Variants in CCDC141 observed in about 807,000 individuals in gnomAD.
CCDC141 encodes the protein coiled-coil domain-containing protein 141.
Under a neutral mutation model 181.0 loss-of-function variants are expected in CCDC141, and 168 were observed. The observed-to-expected ratio is 0.93, with a 90% CI of 0.82 to 1.05. The LOEUF (loss-of-function observed/expected upper bound fraction) is 1.05, where lower values mean the gene tolerates loss of function less well. Ranked by LOEUF, CCDC141 falls within the 50% of genes least tolerant of loss-of-function variation. The pLI is 0.00. For missense variants in CCDC141, 1,902 were observed against 1,788.5 expected, an observed-to-expected ratio of 1.06 and a Z score of -1.14; for synonymous variants, 666 against 642.3, an observed-to-expected ratio of 1.04 and a Z score of -0.56.
intron 12 of CCDC141, chr2:178,876,190 TTCCAAATGAATTCAGGC>T (rs1686349461): frequency 6.6e-6 from 1 of 152,124 alleles, no homozygotes; most frequent in East Asian, 1.9e-4. Context: ...AACCTAACTC[TTCCAAATGAATTCAGGC>T]TCCAGACTGA....
rs1056614740 is a variant in CCDC141, at chr2:179,015,927, A to G, written c.225+31357T>C. Among the ~76,000 whole-genome samples, 15 of 138,330 alleles carry G rather than the reference A, an allele frequency of 1.1e-4. 1 individual carries two copies. In the South Asian group the frequency reaches 3.4e-3, roughly 31 times the overall value. The allele number at this position is 138,330 out of a possible 152,430, so 90.7% of individuals were successfully genotyped here. On this transcript the variant is annotated intron_variant, in intron 2 of 23. Coordinates refer to ENST00000443758, the MANE Select transcript of CCDC141 (RefSeq NM_173648.4). ...ATCATATATATCTCATATATATCATATAATTTCATATATATCATATATATC... is the reference window on the plus strand; with the variant it reads ...ATCATATATATCTCATATATATCATGTAATTTCATATATATCATATATATC...
intron 2 of CCDC141, among the ~76,000 whole-genome samples, chr2:179,042,016 A>G (rs972478224): frequency 2.0e-5 from 3 of 152,192 alleles, no homozygotes; most frequent in African/African-American, 7.2e-5. Context: ...AGAAAATTTA[A>G]AAAGATATTC....
At chr2:178,870,655 C>A (rs572971541) in intron 14 of CCDC141, among the ~76,000 whole-genome samples, 156 of 152,214 alleles carry the variant, frequency 1.0e-3, no homozygotes, top group African/African-American at 3.6e-3. Flanking sequence ...CGGTTTTTGT[C>A]TTAAAGGAAC....
At chr2:178,960,909 A>G (rs1395054038) in intron 5 of CCDC141, among the ~76,000 whole-genome samples, 1 of 152,242 alleles carries the variant, frequency 6.6e-6, no homozygotes, top group Non-Finnish European at 1.5e-5. Context: ...TGCAATTAAC[A>G]TTTCAAAATG....
At chr2:178,998,401 A>G (rs1168699904) in intron 2 of CCDC141, among the ~76,000 whole-genome samples, 1 of 152,198 alleles carries the variant, frequency 6.6e-6, no homozygotes, top group East Asian at 1.9e-4. Context: ...TCTCTTAAGT[A>G]TAATAGTACA....
chr2:178,824,059 A>AAAACACACAC, the CCDC141 span, among the ~76,000 whole-genome samples: 1 of 96,692 alleles, frequency 1.0e-5, no homozygotes, highest in African/African-American at 3.6e-5. Flanking sequence ...CATACAGAGA[A>AAAACACACAC]AAACACACAC....
intron 1 of CCDC141, among the ~76,000 whole-genome samples, chr2:179,048,931 A>T (rs1673935817): frequency 6.6e-6 from 1 of 152,252 alleles, no homozygotes; most frequent in Non-Finnish European, 1.5e-5. Flanking sequence ...ATGCTCTAAC[A>T]AAAGGCCAGA....
intron 5 of CCDC141, among the ~76,000 whole-genome samples, chr2:178,953,298 G>A (rs1450050176): frequency 7.2e-5 from 11 of 152,132 alleles, no homozygotes; most frequent in African/African-American, 2.7e-4. Context: ...TTAGCCGGGT[G>A]TGGTGGCAGG....
chr2:178,904,151 C>G (rs1470605808), intron 8 of CCDC141, among the ~76,000 whole-genome samples: 2 of 152,066 alleles, frequency 1.3e-5, no homozygotes, highest in Non-Finnish European at 2.9e-5. Context: ...TAGTGGACAC[C>G]CCTATTACCT....
chr2:178,858,093 ATTACT>A (rs537823131), intron 17 of CCDC141, among the ~76,000 whole-genome samples: 35 of 152,306 alleles, frequency 2.3e-4, no homozygotes, highest in African/African-American at 6.7e-4. Context: ...GTTGTTGAAC[ATTACT>A]TTAAGTTACA....
intron 2 of CCDC141, among the ~76,000 whole-genome samples, chr2:179,040,605 G>A (rs563621041): frequency 1.1e-3 from 168 of 152,188 alleles, no homozygotes; most frequent in Non-Finnish European, 1.9e-3. Flanking sequence ...TCATCATTCA[G>A]CTCCCCCTTA....
At chr2:178,892,371 C>T (rs1376031643) in intron 8 of CCDC141, among the ~76,000 whole-genome samples, 1 of 152,110 alleles carries the variant, frequency 6.6e-6, no homozygotes, top group Non-Finnish European at 1.5e-5. Context: ...ATCTTGGTTA[C>T]TCTAGCCAGT....
intron 7 of CCDC141, among the ~76,000 whole-genome samples, chr2:178,911,082 C>G (rs1251212562): frequency 6.6e-6 from 1 of 152,128 alleles, no homozygotes; most frequent in East Asian, 1.9e-4. Context: ...TTAAGATGAT[C>G]TTGGGAATAT....
chr2:178,932,109 GA>G (rs1308860626), intron 6 of CCDC141, among the ~76,000 whole-genome samples: 2 of 152,164 alleles, frequency 1.3e-5, no homozygotes, highest in Non-Finnish European at 2.9e-5. Flanking sequence ...AATAAGCCAT[GA>G]TTGTGCCACT....
At chr2:178,881,074 AAGAGAGGGCAC>A (rs1686582387) in intron 11 of CCDC141, among the ~76,000 whole-genome samples, 1 of 152,208 alleles carries the variant, frequency 6.6e-6, no homozygotes, top group African/African-American at 2.4e-5. Flanking sequence ...CAATGTGCAA[AAGAGAGGGCAC>A]AGGCAAGAAT....
chr2:179,049,799 A>G (rs1340842340), intron 1 of CCDC141, 41 bp downstream of exon 1: 1 of 1,549,194 alleles, frequency 6.5e-7, no homozygotes, highest in Non-Finnish European at 8.7e-7. Context: ...ACACAGCTAG[A>G]AGCCCACAGC....
At chr2:178,923,109 CTTTTTTTTT>C (rs1364126682) in intron 6 of CCDC141, among the ~76,000 whole-genome samples, 1 of 125,228 alleles carries the variant, frequency 8.0e-6, no homozygotes, top group African/African-American at 3.1e-5. Flanking sequence ...TTTTTTTTTT[CTTTTTTTTT>C]TTTTGAGACG....
intron 13 of CCDC141, 39 bp from the exon 14 acceptor site, chr2:178,871,591 T>C: frequency 6.2e-7 from 1 of 1,602,738 alleles, no homozygotes; most frequent in Non-Finnish European, 8.5e-7. Context: ...GCATTTTCTT[T>C]GACATCTCCA....
chr2:178,985,625 T>A (rs1197325239), intron 2 of CCDC141, among the ~76,000 whole-genome samples: 1 of 151,690 alleles, frequency 6.6e-6, no homozygotes, highest in Non-Finnish European at 1.5e-5. Context: ...TAAAAAATGA[T>A]AAAGGGGATA....
Sources: allele counts gnomAD v4.1 joint callset (sites outside exome capture counted in the v4.1 genomes callset), GRCh38; gene constraint gnomAD v4.1.1; transcripts MANE v1.5; gene names NCBI Gene and HGNC (gene_info 2026-07-23, HGNC 2026-07-21).